COX15: variants seen among roughly 807,000 people sequenced by gnomAD.
COX15 encodes the protein cytochrome c oxidase assembly factor COX15, also known as heme A synthase COX15.
A neutral mutation model predicts 51.9 loss-of-function variants in COX15; 51 were observed. The observed-to-expected ratio is 0.98, with a 90% confidence interval of 0.78 to 1.24. The LOEUF (loss-of-function observed/expected upper bound fraction) is 1.24. Among genes scored for constraint, COX15 ranks in the 50% most tolerant of loss-of-function variants. The pLI is 0.00. For missense variants in COX15, 420 were observed against 501.1 expected (o/e 0.84, Z 1.55); for synonymous variants, 188 against 190.5 (o/e 0.99, Z 0.11).
the COX15 span, chr10:99,704,409 C>G: frequency 6.3e-7 from 1 of 1,597,640 alleles, no homozygotes; most frequent in Non-Finnish European, 8.6e-7. Context: ...CCCTTTGAAA[C>G]TTAACAGTTT....
chr10:99,698,560 G>A, the COX15 span: 3 of 1,614,100 alleles, frequency 1.9e-6, no homozygotes, highest in South Asian at 2.2e-5. Flanking sequence ...ACAGGTCTGA[G>A]TCCCGACAAT....
intron 7 of COX15, among the ~76,000 whole-genome samples, chr10:99,717,036 C>T (rs2036601441): frequency 6.6e-6 from 1 of 152,090 alleles, no homozygotes; most frequent in Admixed American, 6.6e-5. Context: ...ACTTCATTTC[C>T]TTTTCAGTGC....
At chr10:99,727,669 C>T (rs1045044272) in intron 2 of COX15, 106 bp from the exon 3 acceptor site, 1 of 1,329,556 alleles carries the variant, frequency 7.5e-7, no homozygotes, top group African/African-American at 1.4e-5. Context: ...AAGGTAAACA[C>T]ATTGTTTCCT....
chr10:99,696,223 C>T, the COX15 span: 2 of 1,401,812 alleles, frequency 1.4e-6, no homozygotes, highest in African/African-American at 1.4e-5. Flanking sequence ...GTCCCTGCTT[C>T]CTCCTTCTTT....
At chr10:99,726,874 C>A (rs527474341) in intron 4 of COX15, 94 bp downstream of exon 4, 2 of 1,269,700 alleles carry the variant, frequency 1.6e-6, no homozygotes, top group Non-Finnish European at 2.2e-6. Context: ...GGCGACACAG[C>A]GAGACTCCGT....
rs780459336 is a variant in COX15, at chr10:99,718,484, C to T, written c.849G>A (p.Gly283=). 3 of 1,614,118 alleles carry T rather than the reference C, an allele frequency of 1.9e-6. No homozygotes were observed. The highest frequency in any genetic ancestry group is 2.5e-6 in the Non-Finnish European group (3 of 1,180,022). ...LTALSGAFVA[G]LDAGLVYNSF... is the part of the protein sequence containing the mutation. ...AGTTATAAACAAGCCCAGCATCTAG[C>T]CCTGCCACAAAAGCCCCTGTATTCC... The change falls in exon 7 of 9, where the codon GGG becomes GGA. Residue 283 remains glycine (G), a synonymous_variant. Coordinates refer to ENST00000016171, the MANE Select transcript of COX15 (RefSeq NM_078470.6).
At position 99,713,275 on chromosome 10, in the gene COX15, T is replaced by TA; in HGVS notation, c.*1311dup. 1 of 1,533,300 alleles carries TA rather than the reference T, an allele frequency of 6.5e-7. No individual in the cohort carries two copies. The highest frequency in any genetic ancestry group is 8.9e-7 in the Non-Finnish European group (1 of 1,127,098). 95.0% of individuals were successfully genotyped at this position (1,533,300 alleles called of 1,614,324 possible). A position where few individuals can be genotyped will look rare whatever the true frequency, so the allele number is the denominator to read the frequency against. On this transcript the variant is annotated 3_prime_UTR_variant, in exon 9 of 9. Coordinates refer to ENST00000016171, the MANE Select transcript of COX15 (RefSeq NM_078470.6). ...AGGCCAGGTTTCTTCAGCCCAAACT[T>TA]ATACAACTTATTTAATTTAAATGAG...
At chr10:99,706,633 CCT>C (rs1172522028), downstream of COX15, among the ~76,000 whole-genome samples, 6 of 152,130 alleles carry the variant, frequency 3.9e-5, no homozygotes, top group African/African-American at 4.8e-5. Flanking sequence ...CTGCACCTGC[CCT>C]CTGTTTCCTT....
chr10:99,729,852 A>G (rs1453898654), intron 1 of COX15, 118 bp from the exon 2 acceptor site: 3 of 995,956 alleles, frequency 3.0e-6, no homozygotes, highest in African/African-American at 3.2e-5. Context: ...TGTCTTGTTA[A>G]GTCATCATCT....
At position 99,712,604 on chromosome 10, in the gene COX15, CTT is replaced by C. The variant is rs1202634100; in HGVS notation, c.*1981_*1982del. 2 of 984,066 alleles carry C rather than the reference CTT, an allele frequency of 2.0e-6. No homozygotes were observed. Among genetic ancestry groups the C allele is most frequent in the Non-Finnish European group, 2.4e-6 (2 of 828,886 alleles). The allele number at this position is 984,066 out of a possible 1,614,324, so 61.0% of individuals were successfully genotyped here. Reference sequence around the variant, plus strand: ...CTAGGTATATCCAAGGAAAAATAAACTTAAGATAAGCTTATTTTCCTTATTTC... The same window carrying C: ...CTAGGTATATCCAAGGAAAAATAAACAAGATAAGCTTATTTTCCTTATTTC... On this transcript the variant is annotated 3_prime_UTR_variant, in exon 9 of 9. Transcript: ENST00000016171.
Position 99,718,399 on chromosome 10 carries a change from G to A in COX15, c.934C>T (p.Leu312=). Residue 312 remains leucine, a synonymous_variant, in exon 7 of 9, where the codon CTG becomes TTG. Transcript: ENST00000016171. ...GTGGGATTCTCAAAAACATTCCTCA[G>A]GATGGGGGAGAAGGTAAAGAGGTCC... ...PEDLFTFSPI[L]RNVFENPTMV... 1 of 1,614,090 alleles carries A rather than the reference G, an allele frequency of 6.2e-7. No individual in the cohort carries two copies. The highest frequency in any genetic ancestry group is 8.5e-7 in the Non-Finnish European group (1 of 1,180,020).
chr10:99,699,855 C>T, the COX15 span, among the ~76,000 whole-genome samples: 992 of 152,176 alleles, frequency 6.5e-3, 16 homozygotes, highest in African/African-American at 0.021. Flanking sequence ...CGTGAGTCAC[C>T]GTACCCAGCC....
chr10:99,699,522 C>T, the COX15 span, among the ~76,000 whole-genome samples: 1 of 152,168 alleles, frequency 6.6e-6, no homozygotes, highest in Non-Finnish European at 1.5e-5. Flanking sequence ...TGTTGCGTGT[C>T]TCTATCTTTT....
intron 2 of COX15, among the ~76,000 whole-genome samples, chr10:99,728,799 A>G (rs528706865): frequency 1.2e-4 from 18 of 152,236 alleles, no homozygotes; most frequent in Admixed American, 2.6e-4. Flanking sequence ...ACCATAGGAC[A>G]AATGACTAGA....
At chr10:99,698,599 G>C in the COX15 span, 1 of 1,614,182 alleles carries the variant, frequency 6.2e-7, no homozygotes, top group Non-Finnish European at 8.5e-7. Context: ...CTGCCAGTGG[G>C]ACTCACAGAT....
the COX15 span, chr10:99,704,758 C>G: frequency 3.0e-6 from 4 of 1,317,018 alleles, no homozygotes; most frequent in Non-Finnish European, 4.3e-6. Context: ...TCTTATATAG[C>G]CTCAGATGCT....
chr10:99,701,292 T>G, the COX15 span, among the ~76,000 whole-genome samples: 5 of 4,374 alleles, frequency 1.1e-3, no homozygotes, highest in African/African-American at 2.1e-3. Context: ...CAAAAGTGAT[T>G]TTTTTTTTTT....
chr10:99,727,092 C>G lies in COX15; in HGVS notation c.458G>C (p.Arg153Pro). The G allele has an allele frequency of 6.2e-7, 1 of 1,614,146 alleles. No individual in the cohort carries two copies. The change falls in exon 4 of 9, where the codon CGA (arginine) becomes CCA (proline). Residue 153 changes from arginine (R) to proline (P), a missense_variant. Arg to Pro is a moderately radical substitution (Grantham distance 103). Transcript: ENST00000016171. ...KFIWYMEYSH[R>P]MWGRLVGLVY... ...AAGGCCTACAAGGCGACCCCACATT[C>G]GGTGTGAGTACTCCATGTACCAGAT...
intron 4 of COX15, among the ~76,000 whole-genome samples, chr10:99,724,815 T>C (rs2036899546): frequency 6.6e-6 from 1 of 151,968 alleles, no homozygotes; most frequent in African/African-American, 2.4e-5. Context: ...GGTAAATGCT[T>C]AAAAACATCT....
Sources: gnomAD v4.1 joint callset for allele counts (sites outside exome capture counted in the v4.1 genomes callset) on GRCh38, gnomAD v4.1.1 for gene constraint, MANE v1.5 for transcripts, NCBI Gene and HGNC (gene_info 2026-07-23, HGNC 2026-07-21) for gene names.